ABAT: variants seen among roughly 807,000 people sequenced by gnomAD.
ABAT encodes the protein 4-aminobutyrate aminotransferase, also known as 4-aminobutyrate aminotransferase, mitochondrial.
A neutral mutation model predicts 64.6 loss-of-function variants in ABAT; 45 were observed. The observed-to-expected ratio is 0.70, with a 90% confidence interval of 0.55 to 0.89. The LOEUF is 0.89. Ranked by LOEUF, ABAT falls within the 40% of genes least tolerant of loss-of-function variation. The pLI is 0.00. For synonymous variants in ABAT, 297 were observed against 250.5 expected (o/e 1.19, Z -1.75); for missense variants, 633 against 658.4 (o/e 0.96, Z 0.42).
chr16:8,680,587 G>A (rs1266892846), intron 1 of ABAT, among the ~76,000 whole-genome samples: 8 of 152,106 alleles, frequency 5.3e-5, no homozygotes, highest in African/African-American at 1.7e-4. Context: ...AACCACGCCC[G>A]GCTAATTTTT....
chr16:8,740,461 A>G (rs1283154963), intron 2 of ABAT, among the ~76,000 whole-genome samples: 2 of 152,086 alleles, frequency 1.3e-5, no homozygotes, highest in Admixed American at 1.3e-4. Flanking sequence ...AGTTCCTTGG[A>G]TGCTGTCAGC....
chr16:8,763,998 A>T, intron 6 of ABAT, 71 bp from the exon 7 acceptor site: 2 of 1,328,050 alleles, frequency 1.5e-6, no homozygotes, highest in South Asian at 2.3e-5. Context: ...GGGCTATGAA[A>T]AGCACCATTT....
At chr16:8,720,504 C>T (rs372669812) in intron 1 of ABAT, among the ~76,000 whole-genome samples, 13 of 152,222 alleles carry the variant, frequency 8.5e-5, no homozygotes, top group African/African-American at 3.1e-4. Flanking sequence ...GGAGAGAGGG[C>T]TGGGGCCCAT....
At position 8,779,491 on chromosome 16, in the gene ABAT, C is replaced by G. The variant is rs746205242; in HGVS notation, c.1282C>G (p.Gln428Glu). Residue 428 changes from glutamine (Q) to glutamate (E), a missense_variant, in exon 15 of 16, where the codon CAG becomes GAG. Coordinates refer to ENST00000268251, the MANE Select transcript of ABAT (RefSeq NM_020686.6). ...GLLDLQARYP[Q>E]FISRVRGRGT... ...CCTCCCACTACAGGCCCGGTACCCC[C>G]AGTTCATCAGCAGGGTGAGAGGACG... is the stretch of plus-strand genomic sequence containing the variant. 2.9e-5 allele frequency: 47 copies of G among 1,614,032 alleles called. 1 individual carries two copies. The South Asian group carries it at 5.2e-4, about 18-fold the overall frequency.
chr16:8,763,506 G>C (rs2059855327), intron 6 of ABAT, among the ~76,000 whole-genome samples: 1 of 152,002 alleles, frequency 6.6e-6, no homozygotes, highest in Non-Finnish European at 1.5e-5. Context: ...GCTGGTTTTT[G>C]GATTTGCACT....
intron 1 of ABAT, among the ~76,000 whole-genome samples, chr16:8,730,973 T>C (rs2058701458): frequency 6.6e-6 from 1 of 152,252 alleles, no homozygotes; most frequent in Admixed American, 6.5e-5. Flanking sequence ...TTCTAATTTT[T>C]TGTGTGTGAG....
chr16:8,776,640 A>T lies in ABAT; in HGVS notation c.1269+150A>T. 1 of 835,304 alleles carries T rather than the reference A, an allele frequency of 1.2e-6. No homozygotes were observed. The highest frequency in any genetic ancestry group is 2.7e-5 in the East Asian group (1 of 37,624). 51.7% of individuals were successfully genotyped at this position (835,304 alleles called of 1,614,324 possible). A position where few individuals can be genotyped will look rare whatever the true frequency, so the allele number is the denominator to read the frequency against. On this transcript the variant is annotated intron_variant, in intron 14 of 15. Transcript: ENST00000268251. The surrounding 1 kb of genome is among the most constrained non-coding windows in gnomAD (Gnocchi z 4.4). Reference sequence around the variant, plus strand: ...CTGCTCCTAGCCTTGGGGGCTTTGCACATGCTGTGTCCTCTGCAGGGGATG... The same window carrying T: ...CTGCTCCTAGCCTTGGGGGCTTTGCTCATGCTGTGTCCTCTGCAGGGGATG...
intron 1 of ABAT, among the ~76,000 whole-genome samples, chr16:8,684,318 A>G (rs1283497669): frequency 6.6e-6 from 1 of 152,172 alleles, no homozygotes. Flanking sequence ...CGCACCTGCA[A>G]TCCCAGCGCT....
At chr16:8,698,290 C>T (rs971383329) in intron 1 of ABAT, among the ~76,000 whole-genome samples, 7 of 151,828 alleles carry the variant, frequency 4.6e-5, no homozygotes, top group African/African-American at 1.7e-4. Flanking sequence ...TGTTTATCTG[C>T]TCATATGCTC....
chr16:8,772,908 C>A lies in ABAT; in HGVS notation c.945C>A (p.Ile315=), dbSNP rs368667677. The A allele has an allele frequency of 1.9e-6, 3 of 1,613,608 alleles. No homozygotes were observed. The Admixed American group carries it at 5.0e-5, about 27-fold the overall frequency. The change falls in exon 12 of 16, where the codon ATC becomes ATA. Residue 315 remains isoleucine, a synonymous_variant. Transcript: ENST00000268251. ...SDDFFRKLRD[I]ARKHGCAFLV... ...ACTTCTTTCGGAAGCTGAGAGACAT[C>A]GCCAGGAAGGTCAGTGGACAGGGCC...
At chr16:8,710,727 A>AGAGAGAGAGAGAGAGGGAGAGGGAGG (rs146344975) in intron 1 of ABAT, among the ~76,000 whole-genome samples, 1,400 of 103,080 alleles carry the variant, frequency 0.014, 171 homozygotes, top group East Asian at 0.023. Context: ...AGAGAGAGAG[A>AGAGAGAGAGAGAGAGGGAGAGGGAGG]GAGGAAATAG....
intron 5 of ABAT, among the ~76,000 whole-genome samples, chr16:8,752,823 ACCTGT>A (rs1459186188): frequency 6.6e-6 from 1 of 152,200 alleles, no homozygotes; most frequent in African/African-American, 2.4e-5. Context: ...CTCTCTGGCC[ACCTGT>A]CCTCCCGTAT....
chr16:8,695,887 A>G, intron 1 of ABAT, among the ~76,000 whole-genome samples: 1 of 152,136 alleles, frequency 6.6e-6, no homozygotes, highest in Non-Finnish European at 1.5e-5. Context: ...ATAATTAAAC[A>G]ATGCACAGAA....
intron 1 of ABAT, among the ~76,000 whole-genome samples, chr16:8,676,144 G>A (rs1236012856): frequency 1.3e-5 from 2 of 152,176 alleles, no homozygotes; most frequent in East Asian, 1.9e-4. Context: ...GTGTTGCGGC[G>A]TGGAGTCATA....
At chr16:8,684,722 C>CAAA (rs35012807) in intron 1 of ABAT, among the ~76,000 whole-genome samples, 1 of 121,684 alleles carries the variant, frequency 8.2e-6, no homozygotes, top group Non-Finnish European at 1.7e-5. Context: ...GATCCTGTCT[C>CAAA]AAAAAAAAAA....
intron 11 of ABAT, among the ~76,000 whole-genome samples, chr16:8,771,219 C>T (rs1038684212): frequency 1.3e-5 from 2 of 151,328 alleles, no homozygotes; most frequent in African/African-American, 2.4e-5. Context: ...CACTTGAACC[C>T]GGGAGGTGGT....
chr16:8,779,795 G>A (rs1079350), intron 15 of ABAT, among the ~76,000 whole-genome samples: 68,702 of 151,978 alleles, frequency 0.45, 15,707 homozygotes, highest in East Asian at 0.58. Context: ...ACAAGCGTTC[G>A]CTGAGGAGGT....
chr16:8,722,968 G>A (rs1244027009), intron 1 of ABAT: 1 of 879,716 alleles, frequency 1.1e-6, no homozygotes, highest in Non-Finnish European at 1.6e-6. Flanking sequence ...GCCAGGCAAG[G>A]TGGCTCATGC....
chr16:8,732,187 G>GT (rs1299655471), intron 1 of ABAT, among the ~76,000 whole-genome samples: 5 of 7,094 alleles, frequency 7.0e-4, no homozygotes, highest in Non-Finnish European at 1.7e-3. Flanking sequence ...ACTACTTTAG[G>GT]TTTTTTTTGT....
Sources: gnomAD v4.1 joint callset for allele counts (sites outside exome capture counted in the v4.1 genomes callset) on GRCh38, gnomAD v4.1.1 for gene constraint, Gnocchi (gnomAD v3.1) non-coding constraint, MANE v1.5 for transcripts, NCBI Gene and HGNC (gene_info 2026-07-23, HGNC 2026-07-21) for gene names.